The following ADAMTS3 variants were observed in gnomAD, a reference collection of about 807,000 sequenced individuals.
ADAMTS3 encodes the protein ADAM metallopeptidase with thrombospondin type 1 motif 3.
In ADAMTS3, 73 loss-of-function variants were observed where a neutral mutation model predicts 129.0. The ratio of observed to expected loss-of-function variants is 0.57; its 90% CI spans 0.47 to 0.69. The LOEUF (loss-of-function observed/expected upper bound fraction) is 0.69. Among genes scored for constraint, ADAMTS3 ranks in the 30% least tolerant of loss-of-function variants. The pLI, the probability that ADAMTS3 is intolerant of heterozygous loss-of-function variation, is 0.00. For missense variants in ADAMTS3, 1,457 were observed against 1,514.5 expected (o/e 0.96, Z 0.63); for synonymous variants, 477 against 510.8 (o/e 0.93, Z 0.89).
Position 72,313,775 on chromosome 4 carries a change from T to C in ADAMTS3, c.1647A>G (p.Lys549=). The change falls in exon 12 of 22, where the codon AAA becomes AAG. Residue 549 remains lysine, a synonymous_variant. Transcript: ENST00000286657. ...TCCATGACCCCCAATTGCCATCTTG[T>C]TTTTGCTGATTAGCATTCTTCCACA... ...HCMWKNANQQ[K]QDGNWGSWTK... 1 of 1,613,836 alleles carries C rather than the reference T, an allele frequency of 6.2e-7. No individual in the cohort carries two copies. Among genetic ancestry groups the C allele is most frequent in the Non-Finnish European group, 8.5e-7 (1 of 1,179,844 alleles).
intron 18 of ADAMTS3, 132 bp from the exon 19 acceptor site, chr4:72,295,918 C>G: frequency 9.2e-7 from 1 of 1,084,692 alleles, no homozygotes; most frequent in East Asian, 2.5e-5. Context: ...CAAACCGGCA[C>G]TTCAATAGGT....
At chr4:72,549,961 A>AG (rs1224661575) in intron 2 of ADAMTS3, among the ~76,000 whole-genome samples, 5 of 32,690 alleles carry the variant, frequency 1.5e-4, no homozygotes, top group South Asian at 9.5e-4. Context: ...AAAAAAAAAA[A>AG]AAAGAAGAAG....
intron 3 of ADAMTS3, among the ~76,000 whole-genome samples, chr4:72,518,785 T>G (rs1720571647): frequency 6.7e-6 from 1 of 149,956 alleles, no homozygotes; most frequent in Admixed American, 6.6e-5. Flanking sequence ...TCTTGACTCT[T>G]TATCCAATTT....
chr4:72,360,313 A>G (rs1231088782), intron 4 of ADAMTS3, among the ~76,000 whole-genome samples: 1 of 152,056 alleles, frequency 6.6e-6, no homozygotes, highest in Non-Finnish European at 1.5e-5. Context: ...GTCACAGTCT[A>G]CTGAAAAGGA....
chr4:72,542,052 T>C (rs1295702959), intron 3 of ADAMTS3, among the ~76,000 whole-genome samples: 7 of 152,206 alleles, frequency 4.6e-5, no homozygotes, highest in Non-Finnish European at 8.8e-5. Context: ...CATGGATAAT[T>C]ATTGCACCTA....
At chr4:72,521,154 C>T (rs947089006) in intron 3 of ADAMTS3, among the ~76,000 whole-genome samples, 9 of 151,976 alleles carry the variant, frequency 5.9e-5, no homozygotes, top group African/African-American at 2.2e-4. Flanking sequence ...CCTGCCACCA[C>T]CCCCAGCTAA....
At position 72,374,075 on chromosome 4, in the gene ADAMTS3, A is replaced by G. The variant is rs192820904; in HGVS notation, c.662-34382T>C. On this transcript the variant is annotated intron_variant, in intron 4 of 21. Transcript: ENST00000286657. Reference sequence around the variant, plus strand: ...AATAATTCTCTCTCCAGCTTTATGAATAATATGCTAGAATAAGCATATTGC... The same window carrying G: ...AATAATTCTCTCTCCAGCTTTATGAGTAATATGCTAGAATAAGCATATTGC... 2.2e-3 allele frequency among the ~76,000 whole-genome samples: 335 copies of G among 152,152 alleles called. 2 individuals are homozygous for G. The highest frequency in any genetic ancestry group is 3.4e-3 in the Middle Eastern group (1 of 294).
intron 3 of ADAMTS3, among the ~76,000 whole-genome samples, chr4:72,421,550 G>A (rs1187890387): frequency 6.6e-6 from 1 of 152,166 alleles, no homozygotes; most frequent in Non-Finnish European, 1.5e-5. Context: ...AGAGTGTCAT[G>A]GGCACCTAAG....
At chr4:72,377,125 C>G (rs569535198) in intron 4 of ADAMTS3, among the ~76,000 whole-genome samples, 6 of 152,278 alleles carry the variant, frequency 3.9e-5, no homozygotes, top group Non-Finnish European at 8.8e-5. Flanking sequence ...TGCACACCCA[C>G]AAAGGCAACT....
chr4:72,290,677 G>T (rs551510850), intron 20 of ADAMTS3, among the ~76,000 whole-genome samples, 178 bp downstream of exon 20: 3 of 152,224 alleles, frequency 2.0e-5, no homozygotes, highest in Admixed American at 2.0e-4. Context: ...AACATGGTTT[G>T]CCCCTAACAT....
chr4:72,493,251 T>A (rs1719792019), intron 3 of ADAMTS3, among the ~76,000 whole-genome samples: 1 of 152,018 alleles, frequency 6.6e-6, no homozygotes, highest in East Asian at 1.9e-4. Flanking sequence ...GACATACTGT[T>A]ACCACTTTGT....
At chr4:72,405,751 T>C (rs1578652549) in intron 4 of ADAMTS3, among the ~76,000 whole-genome samples, 2 of 152,114 alleles carry the variant, frequency 1.3e-5, no homozygotes, top group Admixed American at 1.3e-4. Context: ...ACAATGGTTG[T>C]AATTTCTTCC....
At chr4:72,541,072 A>G (rs989058500) in intron 3 of ADAMTS3, among the ~76,000 whole-genome samples, 1 of 152,178 alleles carries the variant, frequency 6.6e-6, no homozygotes, top group Non-Finnish European at 1.5e-5. Context: ...AAAGCTGCAG[A>G]CACTCAACAT....
intron 4 of ADAMTS3, among the ~76,000 whole-genome samples, chr4:72,405,679 C>T (rs900892748): frequency 5.9e-5 from 9 of 152,080 alleles, no homozygotes; most frequent in South Asian, 2.1e-4. Context: ...AAGGAAAATA[C>T]AAGCCTAGCC....
At chr4:72,518,563 G>C (rs1720563283) in intron 3 of ADAMTS3, among the ~76,000 whole-genome samples, 1 of 152,064 alleles carries the variant, frequency 6.6e-6, no homozygotes, top group Admixed American at 6.5e-5. Flanking sequence ...AGCTCTTCTT[G>C]TTGAATTGAT....
At chr4:72,286,933 G>T (rs540349841) in intron 21 of ADAMTS3, among the ~76,000 whole-genome samples, 1 of 152,142 alleles carries the variant, frequency 6.6e-6, no homozygotes, top group African/African-American at 2.4e-5. Context: ...AGGAGTAAAA[G>T]ATGGAGGAGT....
intron 3 of ADAMTS3, among the ~76,000 whole-genome samples, chr4:72,518,515 G>A (rs1720561571): frequency 6.6e-6 from 1 of 151,980 alleles, no homozygotes; most frequent in African/African-American, 2.4e-5. Flanking sequence ...ATGAATCTGG[G>A]TGCTCCTGTA....
chr4:72,550,500 A>G (rs1721619285), intron 2 of ADAMTS3, among the ~76,000 whole-genome samples: 1 of 152,284 alleles, frequency 6.6e-6, no homozygotes, highest in African/African-American at 2.4e-5. Flanking sequence ...TAAATGAACT[A>G]TCCCATTTTA....
chr4:72,501,094 G>C (rs1720008868), intron 3 of ADAMTS3, among the ~76,000 whole-genome samples: 1 of 152,016 alleles, frequency 6.6e-6, no homozygotes, highest in South Asian at 2.1e-4. Context: ...TTGACTATTT[G>C]AGCCTTTTTT....
Sources: gnomAD v4.1 joint callset for allele counts (sites outside exome capture counted in the v4.1 genomes callset) on GRCh38, gnomAD v4.1.1 for gene constraint, MANE v1.5 for transcripts, NCBI Gene and HGNC (gene_info 2026-07-23, HGNC 2026-07-21) for gene names.